TEX26: variants seen among roughly 807,000 people sequenced by gnomAD.
TEX26 encodes testis expressed 26.
A neutral mutation model predicts 35.3 loss-of-function variants in TEX26; 34 were observed. The ratio of observed to expected loss-of-function variants is 0.96; its 90% confidence interval spans 0.73 to 1.28. The LOEUF (loss-of-function observed/expected upper bound fraction) is 1.28. Ranked by LOEUF, TEX26 falls within the 50% of genes most tolerant of loss-of-function variation. The probability of loss-of-function intolerance (pLI) is 0.00; values close to 1 mark genes in which losing one functional copy is unlikely to be tolerated. For synonymous variants in TEX26, 136 were observed against 111.8 expected (o/e 1.22, Z -1.36); for missense variants, 371 against 330.1 (o/e 1.12, Z -0.96).
intron 2 of TEX26, among the ~76,000 whole-genome samples, chr13:30,951,603 T>C (rs969773858): frequency 1.3e-5 from 2 of 152,152 alleles, no homozygotes; most frequent in African/African-American, 4.8e-5. Flanking sequence ...ACAGCAATCA[T>C]CACTCGTTAG....
intron 3 of TEX26, among the ~76,000 whole-genome samples, chr13:30,956,141 A>G (rs1194776418): frequency 2.7e-5 from 4 of 149,912 alleles, no homozygotes; most frequent in African/African-American, 9.8e-5. Context: ...CATTAGGTAT[A>G]TATCCTAATG....
chr13:30,970,180 TG>T (rs1259067408), intron 6 of TEX26, among the ~76,000 whole-genome samples: 1 of 43,574 alleles, frequency 2.3e-5, no homozygotes, highest in East Asian at 1.9e-3. Context: ...TGTGTGTGTG[TG>T]TGTGTGTGTG....
intron 2 of TEX26, among the ~76,000 whole-genome samples, chr13:30,945,084 T>A (rs190388627): frequency 2.0e-5 from 3 of 152,170 alleles, no homozygotes; most frequent in African/African-American, 7.2e-5. Flanking sequence ...CTATCTCATT[T>A]CTTGGGTCTA....
intron 3 of TEX26, 116 bp downstream of exon 3, chr13:30,952,941 A>T (rs1373974854): frequency 4.4e-6 from 4 of 901,152 alleles, no homozygotes; most frequent in Non-Finnish European, 6.7e-6. Context: ...CACAGGATAC[A>T]TGGTTCTTTT....
At chr13:30,950,658 G>C (rs1953885627) in intron 2 of TEX26, among the ~76,000 whole-genome samples, 1 of 152,158 alleles carries the variant, frequency 6.6e-6, no homozygotes, top group Non-Finnish European at 1.5e-5. Flanking sequence ...CTATGACTTA[G>C]CTAAATTCAG....
intron 2 of TEX26, among the ~76,000 whole-genome samples, chr13:30,949,813 CAG>C (rs1186793321): frequency 1.3e-5 from 2 of 152,128 alleles, no homozygotes; most frequent in African/African-American, 4.8e-5. Flanking sequence ...CGTATAAAAA[CAG>C]AAACAATTTT....
chr13:30,934,612 C>T (rs886075826), intron 1 of TEX26, among the ~76,000 whole-genome samples: 58 of 152,180 alleles, frequency 3.8e-4, no homozygotes, highest in Admixed American at 4.6e-4. Context: ...AGGTAGCCAT[C>T]GGCACTGCTA....
chr13:30,970,101 G>A (rs1888810), intron 6 of TEX26, among the ~76,000 whole-genome samples: 1 of 151,526 alleles, frequency 6.6e-6, no homozygotes, highest in Non-Finnish European at 1.5e-5. Flanking sequence ...CTCGTTTTGG[G>A]GATCTCCTGC....
intron 2 of TEX26, among the ~76,000 whole-genome samples, chr13:30,950,967 C>T (rs1196560154): frequency 1.3e-5 from 2 of 152,156 alleles, no homozygotes; most frequent in Admixed American, 1.3e-4. Flanking sequence ...GGTTTGTTCT[C>T]AGGTGGATAT....
At chr13:30,963,567 A>C (rs1954427331) in intron 4 of TEX26, among the ~76,000 whole-genome samples, 1 of 152,228 alleles carries the variant, frequency 6.6e-6, no homozygotes, top group Admixed American at 6.5e-5. Flanking sequence ...TCACATAGGC[A>C]GTCACTAGAG....
At chr13:30,934,840 A>C (rs1218508028) in intron 1 of TEX26, among the ~76,000 whole-genome samples, 1 of 152,164 alleles carries the variant, frequency 6.6e-6, no homozygotes, top group South Asian at 2.1e-4. Context: ...AGCCACCCAA[A>C]CTGCGGCTGT....
intron 1 of TEX26, among the ~76,000 whole-genome samples, chr13:30,937,823 T>A (rs1953330873): frequency 6.6e-6 from 1 of 152,160 alleles, no homozygotes; most frequent in Non-Finnish European, 1.5e-5. Flanking sequence ...CAGGTAATAG[T>A]TGCAGATGAT....
chr13:30,955,855 T>C (rs1954108462), intron 3 of TEX26, among the ~76,000 whole-genome samples: 1 of 152,010 alleles, frequency 6.6e-6, no homozygotes. Context: ...CATGTGTGAG[T>C]GCAGGTGCGG....
In TEX26 at chr13:30,966,317, C is replaced by A; in HGVS notation, c.565C>A (p.Pro189Thr). ...TGAATTCCGAAGGAATTACCAAATT[C>A]CAGCTAAAATTCCTGAGCTTCAAGA... is the stretch of plus-strand genomic sequence containing the variant. ...DTEFRRNYQIPAKIPELQDFS... is the reference protein window; with the variant it reads ...DTEFRRNYQITAKIPELQDFS... The change falls in exon 5 of 7, where the codon CCA becomes ACA. Residue 189 changes from proline to threonine, a missense_variant. By Grantham distance (38) the Pro-to-Thr change is conservative (BLOSUM62 -1). Coordinates refer to ENST00000380473, the MANE Select transcript of TEX26 (RefSeq NM_152325.3). The A allele has an allele frequency of 6.2e-7, 1 of 1,614,126 alleles. No individual in the cohort carries two copies. Among genetic ancestry groups the A allele is most frequent in the Non-Finnish European group, 8.5e-7 (1 of 1,180,020 alleles).
At chr13:30,965,342 A>C (rs1209383326) in intron 4 of TEX26, among the ~76,000 whole-genome samples, 2 of 152,266 alleles carry the variant, frequency 1.3e-5, no homozygotes, top group Non-Finnish European at 2.9e-5. Context: ...TTTGATACAT[A>C]ATATATATTA....
intron 5 of TEX26, among the ~76,000 whole-genome samples, chr13:30,967,405 C>A (rs1235951200): frequency 6.6e-6 from 1 of 152,316 alleles, no homozygotes; most frequent in Non-Finnish European, 1.5e-5. Flanking sequence ...CATCCCCCTT[C>A]GTTGTCTGAT....
At chr13:30,971,803 T>C (rs1458861543) in intron 6 of TEX26, among the ~76,000 whole-genome samples, 1 of 152,218 alleles carries the variant, frequency 6.6e-6, no homozygotes, top group Non-Finnish European at 1.5e-5. Flanking sequence ...TGGTAAAGAC[T>C]GTGTCATCAG....
chr13:30,934,235 G>A (rs753318567), intron 1 of TEX26, among the ~76,000 whole-genome samples: 14 of 152,130 alleles, frequency 9.2e-5, no homozygotes, highest in South Asian at 2.1e-4. Context: ...AGGTGAATTC[G>A]CCCCTTTACC....
chr13:30,960,450 G>A lies in TEX26; in HGVS notation c.469+3421G>A, dbSNP rs544330186. ...AGTAGAGTCAGGATTTCACCATGTT[G>A]CCCAGGCTGGTCTTGAACTCCTGAG... On this transcript the variant is annotated intron_variant, in intron 4 of 6. Transcript: ENST00000380473. Among the ~76,000 whole-genome samples, 18 of 152,188 alleles carry A rather than the reference G, an allele frequency of 1.2e-4. No individual in the cohort carries two copies. The South Asian group carries it at 3.7e-3, about 32-fold the overall frequency.
Sources: gnomAD v4.1 joint callset for allele counts (sites outside exome capture counted in the v4.1 genomes callset) on GRCh38, gnomAD v4.1.1 for gene constraint, MANE v1.5 for transcripts, NCBI Gene and HGNC (gene_info 2026-07-23, HGNC 2026-07-21) for gene names.